HS3ST4: variants seen among roughly 807,000 people sequenced by gnomAD.
HS3ST4 encodes heparan sulfate glucosamine 3-O-sulfotransferase 4.
Under a neutral mutation model 29.2 loss-of-function variants are expected in HS3ST4, and 17 were observed. The observed-to-expected ratio is 0.58, with a 90% CI of 0.40 to 0.87. HS3ST4 has a LOEUF of 0.87. Ranked by LOEUF, HS3ST4 falls within the 40% of genes least tolerant of loss-of-function variation. HS3ST4 has a pLI of 0.00. For synonymous variants in HS3ST4, 314 were observed against 285.7 expected, an observed-to-expected ratio of 1.10 and a Z score of -1.00; for missense variants, 627 against 634.5, an observed-to-expected ratio of 0.99 and a Z score of 0.13.
intron 1 of HS3ST4, among the ~76,000 whole-genome samples, chr16:26,119,918 G>C (rs551577797): frequency 6.6e-6 from 1 of 152,298 alleles, no homozygotes; most frequent in East Asian, 1.9e-4. Context: ...CGTAGGAAAT[G>C]ATCAGAAAAG....
intron 1 of HS3ST4, among the ~76,000 whole-genome samples, chr16:26,093,548 CA>C (rs1431489185): frequency 2.0e-4 from 30 of 152,292 alleles, no homozygotes; most frequent in Non-Finnish European, 3.7e-4. Context: ...AACTAACAAA[CA>C]GAAAGGAATA....
At chr16:25,767,719 C>T (rs139385881) in intron 1 of HS3ST4, among the ~76,000 whole-genome samples, 3 of 152,120 alleles carry the variant, frequency 2.0e-5, no homozygotes, top group East Asian at 1.9e-4. Flanking sequence ...ACTCTGTGCT[C>T]GAGTACTCAG....
intron 1 of HS3ST4, among the ~76,000 whole-genome samples, chr16:25,827,602 A>C (rs976857790): frequency 2.0e-5 from 3 of 152,108 alleles, no homozygotes; most frequent in Non-Finnish European, 4.4e-5. Flanking sequence ...TACTGAAGTA[A>C]TCATTTGGAC....
intron 1 of HS3ST4, among the ~76,000 whole-genome samples, chr16:25,844,850 A>T (rs1483307484): frequency 6.6e-6 from 1 of 152,240 alleles, no homozygotes; most frequent in African/African-American, 2.4e-5. Flanking sequence ...CATATACACC[A>T]GGGAGTACTA....
intron 1 of HS3ST4, among the ~76,000 whole-genome samples, chr16:26,102,871 T>C (rs1899005222): frequency 6.6e-6 from 1 of 152,200 alleles, no homozygotes; most frequent in Non-Finnish European, 1.5e-5. Context: ...AGGAAAGATG[T>C]GCTCCTTACA....
chr16:25,862,272 A>C (rs1029423137), intron 1 of HS3ST4, among the ~76,000 whole-genome samples: 2 of 151,964 alleles, frequency 1.3e-5, no homozygotes, highest in African/African-American at 4.8e-5. Context: ...AGCTCACTGC[A>C]TCCTCCACCT....
At chr16:25,909,629 T>G (rs1208723474) in intron 1 of HS3ST4, among the ~76,000 whole-genome samples, 1 of 152,236 alleles carries the variant, frequency 6.6e-6, no homozygotes, top group African/African-American at 2.4e-5. Flanking sequence ...CCCTGGGATG[T>G]AAGTAACCAC....
chr16:25,719,436 C>T (rs554976308), intron 1 of HS3ST4, among the ~76,000 whole-genome samples: 3 of 152,324 alleles, frequency 2.0e-5, no homozygotes, highest in African/African-American at 7.2e-5. Flanking sequence ...ATACTTTTGG[C>T]TGTAAGCAAG....
chr16:26,108,721 A>G (rs927728511), intron 1 of HS3ST4, among the ~76,000 whole-genome samples: 6 of 152,210 alleles, frequency 3.9e-5, no homozygotes, highest in Non-Finnish European at 7.3e-5. Context: ...ATGTCTAACA[A>G]TTGTTGGTAT....
chr16:26,024,095 A>G (rs1451868422), intron 1 of HS3ST4, among the ~76,000 whole-genome samples: 2 of 152,016 alleles, frequency 1.3e-5, no homozygotes, highest in East Asian at 3.9e-4. Context: ...GTGGTGGCAC[A>G]TGCCTGTAAT....
At chr16:25,768,306 C>T (rs1165158733) in intron 1 of HS3ST4, among the ~76,000 whole-genome samples, 1 of 152,198 alleles carries the variant, frequency 6.6e-6, no homozygotes, top group Non-Finnish European at 1.5e-5. Context: ...ATTGACATAA[C>T]TTTGCTGAAT....
At chr16:25,915,267 A>C (rs1419146422) in intron 1 of HS3ST4, among the ~76,000 whole-genome samples, 1 of 152,170 alleles carries the variant, frequency 6.6e-6, no homozygotes, top group East Asian at 1.9e-4. Context: ...ACCGCGGAGC[A>C]TCTCCTCTGA....
intron 1 of HS3ST4, among the ~76,000 whole-genome samples, chr16:25,965,864 A>G (rs577773517): frequency 1.3e-5 from 2 of 152,288 alleles, no homozygotes; most frequent in South Asian, 2.1e-4. Context: ...ATGTTTTTGG[A>G]GACAGGGAAT....
rs372592382 is a variant in HS3ST4 at position 25,926,137 on chromosome 16, C to T, written c.735-209475C>T. ...TCCAAGGTTTTTAGAAAATTTACAT[C>T]GTTGTGCAGCCATCACTACAATCCA... On this transcript the variant is annotated intron_variant, in intron 1 of 1. Transcript: ENST00000331351. Among the ~76,000 whole-genome samples, 24 of 152,250 alleles carry T rather than the reference C, an allele frequency of 1.6e-4. No homozygotes were observed. In the East Asian group the frequency reaches 4.2e-3, roughly 27 times the overall value.
intron 1 of HS3ST4, among the ~76,000 whole-genome samples, chr16:25,730,710 GTCCTTCCT>G (rs960872601): frequency 8.9e-6 from 1 of 112,512 alleles, no homozygotes; most frequent in Middle Eastern, 7.7e-3. Context: ...CCTTCCTTCC[GTCCTTCCT>G]TCCTTCCTTC....
chr16:25,723,952 A>T (rs755567073), intron 1 of HS3ST4, among the ~76,000 whole-genome samples: 1 of 152,030 alleles, frequency 6.6e-6, no homozygotes, highest in Non-Finnish European at 1.5e-5. Context: ...TCTCTACTAA[A>T]CATACAAAAA....
At chr16:26,011,396 C>A (rs1452828019) in intron 1 of HS3ST4, among the ~76,000 whole-genome samples, 3 of 151,568 alleles carry the variant, frequency 2.0e-5, no homozygotes, top group East Asian at 1.9e-4. Context: ...CCCGTCTCTA[C>A]TAAAAATACA....
chr16:25,794,164 A>T lies in HS3ST4; in HGVS notation c.734+101013A>T, dbSNP rs143130834. ...CTTAATATTAACCAATTCACAAATA[A>T]CACTAGGAATGTAGGACATTTTAAC... On this transcript the variant is annotated intron_variant, in intron 1 of 1. Transcript: ENST00000331351. Among the ~76,000 whole-genome samples, 640 of 152,254 alleles carry T rather than the reference A, an allele frequency of 4.2e-3. 5 individuals carry two copies. Among genetic ancestry groups the T allele is most frequent in the Non-Finnish European group, 7.5e-3 (512 of 67,964 alleles).
At chr16:25,836,535 TA>T (rs1448330791) in intron 1 of HS3ST4, among the ~76,000 whole-genome samples, 1 of 152,188 alleles carries the variant, frequency 6.6e-6, no homozygotes, top group Non-Finnish European at 1.5e-5. Context: ...TATAAATAAA[TA>T]AAGTCTCCAC....
Sources: gnomAD v4.1 joint callset for allele counts (sites outside exome capture counted in the v4.1 genomes callset) on GRCh38, gnomAD v4.1.1 for gene constraint, MANE v1.5 for transcripts, NCBI Gene and HGNC (gene_info 2026-07-23, HGNC 2026-07-21) for gene names.